The following RIMS1 variants were observed in gnomAD, a reference collection of about 807,000 sequenced individuals.
The protein encoded by RIMS1 is regulating synaptic membrane exocytosis 1.
A neutral mutation model predicts 214.1 loss-of-function variants in RIMS1; 83 were observed. The observed-to-expected ratio is 0.39, with a 90% CI of 0.32 to 0.47. The LOEUF (loss-of-function observed/expected upper bound fraction) is 0.47, where lower values mean the gene tolerates loss of function less well. Among genes scored for constraint, RIMS1 ranks in the 20% least tolerant of loss-of-function variants. The pLI, the probability that RIMS1 is intolerant of heterozygous loss-of-function variation, is 0.99. For synonymous variants in RIMS1, 793 were observed against 786.8 expected (o/e 1.01, Z -0.13); for missense variants, 2,050 against 2,161.8 (o/e 0.95, Z 1.03).
chr6:72,057,106 C>T (rs1826391990), intron 2 of RIMS1, among the ~76,000 whole-genome samples: 1 of 152,056 alleles, frequency 6.6e-6, no homozygotes, highest in Admixed American at 6.6e-5. Context: ...GTACAACAAA[C>T]CCCCATGACA....
chr6:71,952,371 T>G (rs9442722), intron 1 of RIMS1, among the ~76,000 whole-genome samples: 3 of 152,114 alleles, frequency 2.0e-5, no homozygotes, highest in Admixed American at 2.0e-4. Context: ...ACCTATTATG[T>G]GCCAGACAAT....
Position 71,886,696 on chromosome 6 carries a change from C to G in RIMS1, c.-328C>G, listed in dbSNP as rs1767868113. On this transcript the variant is annotated 5_prime_UTR_variant, in exon 1 of 34. Coordinates refer to ENST00000521978, the MANE Select transcript of RIMS1 (RefSeq NM_014989.7). ...GCGGAGCCTGGCGCGAGCCCTCGCC[C>G]CCTCGCCTCTCCCGCCGCGCCTCCG... 1 of 156,262 alleles carries G rather than the reference C, an allele frequency of 6.4e-6. No individual in the cohort carries two copies. The highest frequency in any genetic ancestry group is 6.6e-5 in the Admixed American group (1 of 15,220). The allele number at this position is 156,262 out of a possible 1,614,324, so 9.7% of individuals were successfully genotyped here.
intron 8 of RIMS1, among the ~76,000 whole-genome samples, chr6:72,237,534 G>T (rs2064746433): frequency 6.6e-6 from 1 of 151,986 alleles, no homozygotes; most frequent in East Asian, 1.9e-4. Context: ...AAATTAGCTG[G>T]GCGTGGTGGT....
At chr6:71,915,638 C>A (rs1472518693) in intron 1 of RIMS1, among the ~76,000 whole-genome samples, 1 of 152,152 alleles carries the variant, frequency 6.6e-6, no homozygotes, top group Non-Finnish European at 1.5e-5. Flanking sequence ...GTTTCCTCTT[C>A]TCACAGGATT....
chr6:72,279,045 AAT>A (rs2088468282), intron 23 of RIMS1, among the ~76,000 whole-genome samples: 1 of 152,022 alleles, frequency 6.6e-6, no homozygotes, highest in South Asian at 2.1e-4. Flanking sequence ...ATTGTTATAA[AAT>A]AGTCTTAAAT....
chr6:72,378,544 C>A (rs897294679), intron 29 of RIMS1, among the ~76,000 whole-genome samples: 1 of 152,126 alleles, frequency 6.6e-6, no homozygotes, highest in Non-Finnish European at 1.5e-5. Context: ...AAAAGGACAC[C>A]TCAGGGCAGG....
At chr6:72,017,271 A>G (rs954544049) in intron 2 of RIMS1, among the ~76,000 whole-genome samples, 8 of 152,220 alleles carry the variant, frequency 5.3e-5, no homozygotes, top group African/African-American at 1.9e-4. Context: ...ATGGGAGCAC[A>G]TTAAGGCTGA....
chr6:72,315,920 T>C (rs1467965458), intron 28 of RIMS1, among the ~76,000 whole-genome samples: 2 of 152,220 alleles, frequency 1.3e-5, no homozygotes, highest in Admixed American at 6.5e-5. Flanking sequence ...AATATATTAC[T>C]GTTTCTTCTT....
intron 1 of RIMS1, among the ~76,000 whole-genome samples, chr6:71,962,393 G>C (rs1181620755): frequency 6.6e-6 from 1 of 152,076 alleles, no homozygotes; most frequent in Non-Finnish European, 1.5e-5. Flanking sequence ...TGGCCAGCTG[G>C]TTTCCCTTGC....
At chr6:72,105,784 C>A (rs1038092558) in intron 4 of RIMS1, among the ~76,000 whole-genome samples, 8 of 152,034 alleles carry the variant, frequency 5.3e-5, no homozygotes, top group Non-Finnish European at 1.2e-4. Context: ...CCTTAGTGTA[C>A]AGGATGACAA....
At chr6:71,982,869 G>T (rs1254555783) in intron 2 of RIMS1, among the ~76,000 whole-genome samples, 2 of 152,114 alleles carry the variant, frequency 1.3e-5, no homozygotes, top group African/African-American at 4.8e-5. Flanking sequence ...AATAGTCCAT[G>T]TATAAATTAA....
intron 1 of RIMS1, among the ~76,000 whole-genome samples, chr6:71,907,851 TA>T (rs1245860004): frequency 6.6e-6 from 1 of 152,202 alleles, no homozygotes; most frequent in African/African-American, 2.4e-5. Flanking sequence ...CCATAGCATT[TA>T]TGAAAATTTT....
At chr6:72,292,173 T>C in intron 26 of RIMS1, 127 bp downstream of exon 26, 1 of 635,618 alleles carries the variant, frequency 1.6e-6, no homozygotes, top group Non-Finnish European at 2.7e-6. Context: ...AAATTTGATT[T>C]TCTTACAGTT....
rs1311311220 is a variant in RIMS1 at position 72,163,010 on chromosome 6, G to T, written c.472-16565G>T. ...TCCAACTTGGTTCCATGCTCCCCGT[G>T]ACTTTCAGGTATACCTATCAGATGT... On this transcript the variant is annotated intron_variant, in intron 4 of 33. Coordinates refer to ENST00000521978, the MANE Select transcript of RIMS1 (RefSeq NM_014989.7). 3.9e-5 allele frequency among the ~76,000 whole-genome samples: 5 copies of T among 126,778 alleles called. 2 individuals carry two copies. The highest frequency in any genetic ancestry group is 9.3e-5 in the Non-Finnish European group (5 of 53,980). The allele number at this position is 126,778 out of a possible 152,430, so 83.2% of individuals were successfully genotyped here.
At chr6:71,970,591 C>G (rs1330989484) in intron 2 of RIMS1, among the ~76,000 whole-genome samples, 1 of 152,210 alleles carries the variant, frequency 6.6e-6, no homozygotes, top group East Asian at 1.9e-4. Context: ...TTTGTTTTCA[C>G]TTTCACAGTT....
intron 2 of RIMS1, among the ~76,000 whole-genome samples, chr6:72,054,784 CTT>C (rs1203823662): frequency 6.6e-6 from 1 of 152,000 alleles, no homozygotes; most frequent in Non-Finnish European, 1.5e-5. Flanking sequence ...TGACTTTTTT[CTT>C]GTAAATTTGT....
At chr6:72,114,506 T>C (rs1020168954) in intron 4 of RIMS1, among the ~76,000 whole-genome samples, 1 of 152,058 alleles carries the variant, frequency 6.6e-6, no homozygotes, top group African/African-American at 2.4e-5. Flanking sequence ...AAAAATTTTA[T>C]GCTGCTTATA....
chr6:72,214,260 A>T (rs2054732354), intron 6 of RIMS1, among the ~76,000 whole-genome samples: 1 of 152,230 alleles, frequency 6.6e-6, no homozygotes, highest in Admixed American at 6.5e-5. Flanking sequence ...TTCTAACAGA[A>T]AATACTTAAT....
At chr6:72,064,950 T>A (rs1003787353) in intron 2 of RIMS1, among the ~76,000 whole-genome samples, 1 of 152,228 alleles carries the variant, frequency 6.6e-6, no homozygotes, top group Non-Finnish European at 1.5e-5. Flanking sequence ...TATACTACAG[T>A]CACCTCTTTA....
Sources: gnomAD v4.1 joint callset for allele counts (sites outside exome capture counted in the v4.1 genomes callset) on GRCh38, gnomAD v4.1.1 for gene constraint, MANE v1.5 for transcripts, NCBI Gene and HGNC (gene_info 2026-07-23, HGNC 2026-07-21) for gene names.